PDZRN4: variants seen among roughly 807,000 people sequenced by gnomAD.
PDZRN4 encodes the protein PDZ domain-containing RING finger protein 4.
PDZRN4 carries 70 observed loss-of-function variants against 99.0 expected under a neutral mutation model. The ratio of observed to expected loss-of-function variants is 0.71; its 90% CI spans 0.58 to 0.86. The LOEUF (loss-of-function observed/expected upper bound fraction) is 0.86. Among genes scored for constraint, PDZRN4 ranks in the 40% least tolerant of loss-of-function variants. The pLI, the probability that PDZRN4 is intolerant of heterozygous loss-of-function variation, is 0.00. For missense variants in PDZRN4, 1,474 were observed against 1,331.2 expected (o/e 1.11, Z -1.67); for synonymous variants, 551 against 501.6 (o/e 1.10, Z -1.32).
At chr12:41,382,373 C>A (rs1445575800) in intron 3 of PDZRN4, among the ~76,000 whole-genome samples, 1 of 152,182 alleles carries the variant, frequency 6.6e-6, no homozygotes. Context: ...CTGTGCATGT[C>A]CACTGGCTGA....
intron 3 of PDZRN4, among the ~76,000 whole-genome samples, chr12:41,465,264 G>A (rs1952913588): frequency 4.6e-5 from 7 of 152,184 alleles, no homozygotes; most frequent in Admixed American, 4.6e-4. Context: ...TTGTGTTGCA[G>A]GGAGAGGAGG....
chr12:41,245,920 T>G (rs749775771), intron 3 of PDZRN4, among the ~76,000 whole-genome samples: 56 of 152,138 alleles, frequency 3.7e-4, no homozygotes, highest in Admixed American at 3.9e-4. Context: ...AGTTGGGTGA[T>G]AGAAGGTGAG....
At chr12:41,345,223 G>C (rs1228328993) in intron 3 of PDZRN4, among the ~76,000 whole-genome samples, 1 of 152,128 alleles carries the variant, frequency 6.6e-6, no homozygotes, top group Non-Finnish European at 1.5e-5. Context: ...TATGTGTGGC[G>C]AGCAGTTAGT....
intron 3 of PDZRN4, among the ~76,000 whole-genome samples, chr12:41,450,110 A>G (rs924793995): frequency 3.9e-5 from 6 of 152,156 alleles, no homozygotes; most frequent in Non-Finnish European, 8.8e-5. Flanking sequence ...AAACCATGAG[A>G]ATCATTTTTA....
chr12:41,447,062 C>G (rs1196329631), intron 3 of PDZRN4, among the ~76,000 whole-genome samples: 1 of 152,002 alleles, frequency 6.6e-6, no homozygotes, highest in African/African-American at 2.4e-5. Context: ...AGTGAAGGGG[C>G]TTAGTGCCGT....
At chr12:41,359,817 C>T (rs1017111907) in intron 3 of PDZRN4, among the ~76,000 whole-genome samples, 9 of 151,988 alleles carry the variant, frequency 5.9e-5, no homozygotes, top group African/African-American at 2.2e-4. Context: ...CGGACTTATA[C>T]ATGTACAAAG....
At chr12:41,201,261 G>A (rs1189758752) in intron 3 of PDZRN4, among the ~76,000 whole-genome samples, 1 of 151,072 alleles carries the variant, frequency 6.6e-6, no homozygotes, top group Non-Finnish European at 1.5e-5. Context: ...CTGTCTAACT[G>A]GTATTCTGTG....
intron 3 of PDZRN4, among the ~76,000 whole-genome samples, chr12:41,440,732 G>A (rs765754988): frequency 9.9e-5 from 15 of 152,100 alleles, no homozygotes; most frequent in African/African-American, 3.1e-4. Flanking sequence ...CACACCATGC[G>A]GTTTCCATGC....
At chr12:41,210,791 G>A (rs1950883043) in intron 3 of PDZRN4, among the ~76,000 whole-genome samples, 1 of 151,902 alleles carries the variant, frequency 6.6e-6, no homozygotes, top group Admixed American at 6.6e-5. Context: ...TGGATTGGTA[G>A]GTAAGGCTTT....
At chr12:41,329,029 G>T (rs1381888198) in intron 3 of PDZRN4, among the ~76,000 whole-genome samples, 2 of 152,084 alleles carry the variant, frequency 1.3e-5, no homozygotes, top group Non-Finnish European at 2.9e-5. Context: ...TGAGGTGATT[G>T]TCTTCTCTTT....
chr12:41,349,684 G>T (rs894791895), intron 3 of PDZRN4, among the ~76,000 whole-genome samples: 1 of 151,908 alleles, frequency 6.6e-6, no homozygotes, highest in South Asian at 2.1e-4. Context: ...CACCACAAGA[G>T]AATCTTGTAA....
chr12:41,443,080 T>G (rs554959818), intron 3 of PDZRN4, among the ~76,000 whole-genome samples: 1 of 152,232 alleles, frequency 6.6e-6, no homozygotes, highest in Admixed American at 6.5e-5. Flanking sequence ...AAAAACTCTG[T>G]GTCAGCTCTG....
chr12:41,571,145 CTA>C (rs199839703), intron 9 of PDZRN4, among the ~76,000 whole-genome samples: 6 of 150,478 alleles, frequency 4.0e-5, no homozygotes, highest in East Asian at 3.9e-4. Flanking sequence ...ATCTATCTAT[CTA>C]TATATATATA....
intron 3 of PDZRN4, among the ~76,000 whole-genome samples, chr12:41,380,315 T>G (rs1592035818): frequency 6.6e-6 from 1 of 152,080 alleles, no homozygotes; most frequent in Non-Finnish European, 1.5e-5. Context: ...GTCTTTTGAT[T>G]TGAGAATTTA....
chr12:41,505,449 A>T (rs1404321246), intron 3 of PDZRN4, among the ~76,000 whole-genome samples: 2 of 151,964 alleles, frequency 1.3e-5, no homozygotes, highest in African/African-American at 4.8e-5. Flanking sequence ...TGTTATCAGG[A>T]CTCATTTTAG....
chr12:41,285,010 A>G (rs541317712), intron 3 of PDZRN4, among the ~76,000 whole-genome samples: 1 of 152,200 alleles, frequency 6.6e-6, no homozygotes, highest in South Asian at 2.1e-4. Context: ...GACAAATGGG[A>G]TGTAATTAAA....
At chr12:41,193,474 G>T (rs888454322) in intron 2 of PDZRN4, among the ~76,000 whole-genome samples, 1 of 152,160 alleles carries the variant, frequency 6.6e-6, no homozygotes, top group East Asian at 1.9e-4. Context: ...CTAATCATGA[G>T]TCAGACTGCA....
chr12:41,227,578 T>A (rs1342925018), intron 3 of PDZRN4, among the ~76,000 whole-genome samples: 2 of 152,076 alleles, frequency 1.3e-5, no homozygotes, highest in South Asian at 4.2e-4. Flanking sequence ...GGTGGGAGGA[T>A]GGTTTGAGCC....
At chr12:41,432,094 TA>T (rs1321292366) in intron 3 of PDZRN4, among the ~76,000 whole-genome samples, 6 of 152,218 alleles carry the variant, frequency 3.9e-5, no homozygotes, top group African/African-American at 1.4e-4. Context: ...CTACCAGACA[TA>T]TGATAAGCAC....
Sources: allele counts gnomAD v4.1 joint callset (sites outside exome capture counted in the v4.1 genomes callset), GRCh38; gene constraint gnomAD v4.1.1; transcripts MANE v1.5; gene names NCBI Gene and HGNC (gene_info 2026-07-23, HGNC 2026-07-21).